The following GDAP1L1 variants were observed in gnomAD, a reference collection of about 807,000 sequenced individuals.
GDAP1L1 encodes ganglioside-induced differentiation-associated protein 1-like 1.
GDAP1L1 carries 21 observed loss-of-function variants against 37.1 expected under a neutral mutation model. The ratio of observed to expected loss-of-function variants is 0.57; its 90% CI spans 0.40 to 0.81. The LOEUF (loss-of-function observed/expected upper bound fraction) is 0.81, where lower values mean the gene tolerates loss of function less well. GDAP1L1 is among the 40% of genes least tolerant of loss of function. The probability of loss-of-function intolerance (pLI) is 0.00; values close to 1 mark genes in which losing one functional copy is unlikely to be tolerated. For synonymous variants in GDAP1L1, 193 were observed against 209.1 expected, an observed-to-expected ratio of 0.92 and a Z score of 0.67; for missense variants, 362 against 491.6, an observed-to-expected ratio of 0.74 and a Z score of 2.49.
rs776920003 is a variant in GDAP1L1, at chr20:44,257,298, G to A, written c.326G>A (p.Ser109Asn). 90 of 1,613,956 alleles carry A rather than the reference G, an allele frequency of 5.6e-5. No individual in the cohort carries two copies. The highest frequency in any genetic ancestry group is 6.4e-5 in the Non-Finnish European group (75 of 1,179,994). ...ATCATCCACCGCGACAACATCATCAGTGACTATGACCAGATCATTGACTAT... is the reference window on the plus strand; with the variant it reads ...ATCATCCACCGCGACAACATCATCAATGACTATGACCAGATCATTGACTAT... ...PVIIHRDNII[S>N]DYDQIIDYVE... is the part of the protein sequence containing the mutation. The change falls in exon 2 of 6, where the codon AGT (serine) becomes AAT (asparagine). Residue 109 changes from serine (S) to asparagine (N), a missense_variant. Around this residue, in one of 2 missense-constraint regions of GDAP1L1, gnomAD observed 277 missense variants for 337.1 expected, o/e 0.82. Transcript: ENST00000342560.
At chr20:44,272,511 C>A (rs2062529193) in intron 5 of GDAP1L1, among the ~76,000 whole-genome samples, 1 of 152,166 alleles carries the variant, frequency 6.6e-6, no homozygotes, top group Non-Finnish European at 1.5e-5. Context: ...GCACGGAGTG[C>A]CCTCCTGGGC....
chr20:44,278,529 C>T (rs4812812), intron 5 of GDAP1L1, among the ~76,000 whole-genome samples: 19,969 of 151,862 alleles, frequency 0.13, 1,485 homozygotes, highest in Middle Eastern at 0.19. Context: ...TACAGGTGTG[C>T]ACCACCACAC....
rs1384591050 is a variant in GDAP1L1 at position 44,258,456 on chromosome 20, C to A, written c.396C>A (p.Pro132=). 6.4e-7 allele frequency: 1 copy of A among 1,552,704 alleles called. No homozygotes were observed. Residue 132 remains proline, a synonymous_variant, in exon 3 of 6, where the codon CCC becomes CCA. Coordinates refer to ENST00000342560, the MANE Select transcript of GDAP1L1 (RefSeq NM_024034.6). The part of the protein sequence containing the change: ...FTGEHVVALM[P]EVGSLQHARV... ...CAGAGCACGTGGTGGCCCTGATGCC[C>A]GAGGTGGGCAGCCTGCAGCACGCAC... is the stretch of plus-strand genomic sequence containing the variant.
intron 4 of GDAP1L1, among the ~76,000 whole-genome samples, chr20:44,263,688 A>T (rs996485639): frequency 6.6e-6 from 1 of 152,148 alleles, no homozygotes; most frequent in African/African-American, 2.4e-5. Context: ...TACTAAAAAT[A>T]CAAAAATTAG....
intron 1 of GDAP1L1, among the ~76,000 whole-genome samples, chr20:44,248,332 CT>C (rs2073373396): frequency 6.6e-6 from 1 of 152,254 alleles, no homozygotes; most frequent in Admixed American, 6.5e-5. Flanking sequence ...TGTCCCGTCT[CT>C]GGGCCACGGA....
At chr20:44,262,155 G>A (rs1397717195) in intron 3 of GDAP1L1, among the ~76,000 whole-genome samples, 1 of 152,088 alleles carries the variant, frequency 6.6e-6, no homozygotes, top group Non-Finnish European at 1.5e-5. Context: ...GCATGGTCAA[G>A]TGTGTGAAGA....
At chr20:44,278,153 CAAAAA>C (rs3037697) in intron 5 of GDAP1L1, among the ~76,000 whole-genome samples, 1 of 86,010 alleles carries the variant, frequency 1.2e-5, no homozygotes, top group Admixed American at 1.1e-4. Context: ...GACTCCATCT[CAAAAA>C]AAAAAAAAAA....
At chr20:44,252,918 G>C (rs1600528251) in intron 1 of GDAP1L1, among the ~76,000 whole-genome samples, 1 of 151,816 alleles carries the variant, frequency 6.6e-6, no homozygotes, top group Admixed American at 6.6e-5. Context: ...TGGCTTCCTT[G>C]CTATCTTTTG....
intron 3 of GDAP1L1, among the ~76,000 whole-genome samples, chr20:44,259,492 A>ATTT (rs11481104): frequency 2.0e-4 from 27 of 132,514 alleles, no homozygotes; most frequent in South Asian, 1.7e-3. Context: ...AAGACTCAGA[A>ATTT]TTTTTTTTTT....
chr20:44,258,267 T>A, intron 2 of GDAP1L1, 167 bp from the exon 3 acceptor site: 1 of 745,314 alleles, frequency 1.3e-6, no homozygotes, highest in Non-Finnish European at 2.4e-6. Flanking sequence ...TGAGGAGAGA[T>A]GGCCGGGCCA....
At chr20:44,254,774 G>A (rs2073507933) in intron 1 of GDAP1L1, among the ~76,000 whole-genome samples, 1 of 152,154 alleles carries the variant, frequency 6.6e-6, no homozygotes, top group African/African-American at 2.4e-5. Flanking sequence ...ATGAATGTTG[G>A]GTGTTTCAGG....
At chr20:44,247,555 AGCT>A (rs1185497279) in intron 1 of GDAP1L1, 41 bp downstream of exon 1, 5 of 1,455,570 alleles carry the variant, frequency 3.4e-6, no homozygotes, top group African/African-American at 2.9e-5. Flanking sequence ...GTGGCCAGGA[AGCT>A]TGGGGAGGGG....
At chr20:44,248,315 G>T (rs1201477339) in intron 1 of GDAP1L1, among the ~76,000 whole-genome samples, 2 of 152,218 alleles carry the variant, frequency 1.3e-5, no homozygotes, top group African/African-American at 2.4e-5. Flanking sequence ...CTCCCACCCT[G>T]GGCGGTTGTC....
intron 4 of GDAP1L1, among the ~76,000 whole-genome samples, chr20:44,263,766 C>T (rs981832009): frequency 1.3e-5 from 2 of 152,162 alleles, no homozygotes; most frequent in African/African-American, 4.8e-5. Context: ...ATTGCCTGAA[C>T]CTGGGAGGCG....
At chr20:44,263,100 GT>G (rs2073701985) in intron 3 of GDAP1L1, 129 bp from the exon 4 acceptor site, 1 of 729,420 alleles carries the variant, frequency 1.4e-6, no homozygotes, top group South Asian at 1.6e-5. Flanking sequence ...TGCTCCCTAA[GT>G]GTTGGCTGTC....
chr20:44,258,474 G>C lies in GDAP1L1; in HGVS notation c.414G>C (p.Gln138His). 6.4e-7 allele frequency: 1 copy of C among 1,555,666 alleles called. No homozygotes were observed. Among genetic ancestry groups the C allele is most frequent in the Non-Finnish European group, 8.7e-7 (1 of 1,149,958 alleles). The change falls in exon 3 of 6, where the codon CAG (glutamine) becomes CAC (histidine). Residue 138 changes from glutamine (Q) to histidine (H), a missense_variant. Coordinates refer to ENST00000342560, the MANE Select transcript of GDAP1L1 (RefSeq NM_024034.6). ...TGATGCCCGAGGTGGGCAGCCTGCA[G>C]CACGCACGGGTGCTGCAGTACCGGG... ...VALMPEVGSL[Q>H]HARVLQYREL...
intron 5 of GDAP1L1, among the ~76,000 whole-genome samples, chr20:44,266,524 C>T (rs111743975): frequency 0.02 from 3,117 of 152,076 alleles, 108 homozygotes; most frequent in African/African-American, 0.071. Context: ...TTTCTTAGGA[C>T]TTCCATAACA....
intron 4 of GDAP1L1, 91 bp downstream of exon 4, chr20:44,263,418 T>C: frequency 1.1e-6 from 1 of 912,632 alleles, no homozygotes; most frequent in Non-Finnish European, 1.8e-6. Flanking sequence ...GATCAGCTGA[T>C]GATATGAAAT....
chr20:44,268,852 C>A (rs905525843), intron 5 of GDAP1L1, among the ~76,000 whole-genome samples: 2 of 152,176 alleles, frequency 1.3e-5, no homozygotes, highest in Non-Finnish European at 2.9e-5. Flanking sequence ...CCTACATTTA[C>A]AAGTTTGGAT....
Sources: allele counts gnomAD v4.1 joint callset (sites outside exome capture counted in the v4.1 genomes callset), GRCh38; gene constraint gnomAD v4.1.1; regional missense constraint gnomAD v4.1.1; transcripts MANE v1.5; gene names NCBI Gene and HGNC (gene_info 2026-07-23, HGNC 2026-07-21).